Variants in HEATR1 observed in about 807,000 individuals in gnomAD.
HEATR1 encodes HEAT repeat-containing protein 1.
In HEATR1, 77 loss-of-function variants were observed where a neutral mutation model predicts 248.2. That is an observed-to-expected ratio of 0.31 (90% confidence interval 0.26 to 0.37). HEATR1 has a LOEUF of 0.37. Ranked by LOEUF, HEATR1 falls within the 10% of genes least tolerant of loss-of-function variation. The pLI is 1.00. For synonymous variants in HEATR1, 897 were observed against 923.1 expected (o/e 0.97, Z 0.51); for missense variants, 2,420 against 2,504.9 (o/e 0.97, Z 0.72).
chr1:236,575,020 C>A, intron 22 of HEATR1, 117 bp from the exon 23 acceptor site: 1 of 925,522 alleles, frequency 1.1e-6, no homozygotes, highest in Non-Finnish European at 1.6e-6. Flanking sequence ...GGAAAAAACC[C>A]AATGATGGTA....
chr1:236,595,535 C>T lies in HEATR1; in HGVS notation c.1090+5G>A. ...TTTCTGGACAAAAAATATAAAACCA[C>T]ACACCTGTAACATGATGAATGATGG... is the stretch of plus-strand genomic sequence containing the variant. On this transcript the variant is annotated splice_donor_5th_base_variant and intron_variant, in intron 8 of 44. Coordinates refer to ENST00000366582, the MANE Select transcript of HEATR1 (RefSeq NM_018072.6). The T allele has an allele frequency of 1.3e-6, 2 of 1,599,232 alleles. No individual in the cohort carries two copies. Among genetic ancestry groups the T allele is most frequent in the South Asian group, 2.3e-5 (2 of 87,662 alleles).
rs554710967 is a variant in HEATR1 at position 236,592,240 on chromosome 1, T to C, written c.1305-130A>G. Reference sequence around the variant, plus strand: ...ACTGTGACTTAAATTTTAACAAATGTTGTAGGTAAAACCAAATGACATTGG... The same window carrying C: ...ACTGTGACTTAAATTTTAACAAATGCTGTAGGTAAAACCAAATGACATTGG... On this transcript the variant is annotated intron_variant, in intron 10 of 44. Transcript: ENST00000366582. 2.0e-4 allele frequency: 117 copies of C among 590,690 alleles called. No homozygotes were observed. In the East Asian group the frequency reaches 3.3e-3, roughly 17 times the overall value. 36.6% of individuals were successfully genotyped at this position (590,690 alleles called of 1,614,324 possible). A position where few individuals can be genotyped will look rare whatever the true frequency, so the allele number is the denominator to read the frequency against.
At chr1:236,586,038 G>A in intron 15 of HEATR1, 97 bp from the exon 16 acceptor site, 1 of 1,458,338 alleles carries the variant, frequency 6.9e-7, no homozygotes, top group Non-Finnish European at 9.4e-7. Flanking sequence ...TGTTTATGAA[G>A]GTTTGCTTTC....
chr1:236,551,727 A>G, intron 44 of HEATR1: 6 of 344,178 alleles, frequency 1.7e-5, no homozygotes, highest in Middle Eastern at 8.2e-4. Context: ...GTATGATCAC[A>G]AACCACCACA....
intron 17 of HEATR1, among the ~76,000 whole-genome samples, chr1:236,584,106 C>G (rs4612616): frequency 0.029 from 4,476 of 152,214 alleles, 128 homozygotes; most frequent in Admixed American, 0.093. Flanking sequence ...ATTTGATTAA[C>G]TCAACGTGCT....
intron 21 of HEATR1, 114 bp from the exon 22 acceptor site, chr1:236,576,491 A>G: frequency 2.4e-6 from 2 of 844,500 alleles, no homozygotes; most frequent in Admixed American, 3.1e-5. Flanking sequence ...ATAATTTTCC[A>G]TTTCTCCTTA....
At position 236,565,311 on chromosome 1, in the gene HEATR1, C is replaced by T. The variant is rs578059950; in HGVS notation, c.4435+608G>A. ...GAACTAAGAACTATCAACACGTCAA[C>T]CCTTTCTTAATGAAAAAAAGTTTTT... is the stretch of plus-strand genomic sequence containing the variant. On this transcript the variant is annotated intron_variant, in intron 31 of 44. Transcript: ENST00000366582. Among the ~76,000 whole-genome samples, 181 of 152,308 alleles carry T rather than the reference C, an allele frequency of 1.2e-3. No individual in the cohort carries two copies. The Middle Eastern group carries it at 0.014, about 11-fold the overall frequency.
At chr1:236,568,044 CATCA>C (rs1322693302) in intron 29 of HEATR1, among the ~76,000 whole-genome samples, 4 of 152,232 alleles carry the variant, frequency 2.6e-5, no homozygotes, top group South Asian at 2.1e-4. Flanking sequence ...CTCTGCTCTC[CATCA>C]ATCAATCACC....
chr1:236,576,735 C>A, intron 21 of HEATR1, 45 bp downstream of exon 21: 1 of 1,547,230 alleles, frequency 6.5e-7, no homozygotes. Flanking sequence ...TGCTCCAGTA[C>A]ACAGAGGCAT....
intron 44 of HEATR1, 74 bp from the exon 45 acceptor site, chr1:236,551,064 C>T (rs1327482195): frequency 3.5e-6 from 4 of 1,156,306 alleles, no homozygotes; most frequent in Non-Finnish European, 4.9e-6. Context: ...TAGTTTAATT[C>T]TTAATGCCTT....
At chr1:236,593,249 T>C (rs971663083) in intron 9 of HEATR1, among the ~76,000 whole-genome samples, 2 of 151,684 alleles carry the variant, frequency 1.3e-5, no homozygotes, top group Admixed American at 6.6e-5. Flanking sequence ...AATTTGCTCA[T>C]GAGAACAGCA....
At chr1:236,576,633 C>A in intron 21 of HEATR1, 147 bp downstream of exon 21, 1 of 721,924 alleles carries the variant, frequency 1.4e-6, no homozygotes, top group East Asian at 2.8e-5. Context: ...TAGGGGGACA[C>A]AGATGTACAG....
At position 236,566,690 on chromosome 1, in the gene HEATR1, G is replaced by A; in HGVS notation, c.4264C>T (p.Gln1422Ter). ...GCCAGCACTGTTTTTGTGACATACT[G>A]TTCAAAAAGCAAGATGAGGAGAATC... ...LWILLILLFE[Q>*]YVTKTVLAAA... Residue 1422 changes from glutamine (Q) to a stop codon, truncating the protein, a stop_gained, in exon 30 of 45, where the codon CAG (glutamine) becomes TAG (stop). Coordinates refer to ENST00000366582, the MANE Select transcript of HEATR1 (RefSeq NM_018072.6). LOFTEE classifies it high-confidence loss of function. The A allele has an allele frequency of 6.2e-7, 1 of 1,614,040 alleles. No homozygotes were observed. Among genetic ancestry groups the A allele is most frequent in the Non-Finnish European group, 8.5e-7 (1 of 1,179,998 alleles).
At position 236,549,249 on chromosome 1, in the gene HEATR1, A is replaced by G. The variant is rs1384800643; in HGVS notation, c.*1653T>C. On this transcript the variant is annotated 3_prime_UTR_variant, in exon 45 of 45. Transcript: ENST00000366582. ...CTTCCACTTTACGTGATTAAAATCA[A>G]ACCTGTATCAGCAAGTTAAATGGTT... 5.8e-6 allele frequency: 2 copies of G among 346,728 alleles called. No individual in the cohort carries two copies. The highest frequency in any genetic ancestry group is 4.2e-5 in the African/African-American group (2 of 47,656). The allele number at this position is 346,728 out of a possible 1,614,324, so 21.5% of individuals were successfully genotyped here. A position where few individuals can be genotyped will look rare whatever the true frequency, so the allele number is the denominator to read the frequency against.
rs1332506679 is a variant in HEATR1, at chr1:236,595,851, G to A, written c.938C>T (p.Pro313Leu). The A allele has an allele frequency of 6.2e-7, 1 of 1,612,986 alleles. No homozygotes were observed. Among genetic ancestry groups the A allele is most frequent in the Non-Finnish European group, 8.5e-7 (1 of 1,179,118 alleles). Residue 313 changes from proline to leucine, a missense_variant, in exon 7 of 45, where the codon CCA becomes CTA. By Grantham distance (98) the Pro-to-Leu change is moderately conservative. Transcript: ENST00000366582. ...CLIVLLQRQKPESLGKKPFPH... is the reference protein window; with the variant it reads ...CLIVLLQRQKLESLGKKPFPH... ...TACATACTTTTTCCCAAGGCTCTCT[G>A]GCTTCTGTCTCTGCAGGAGCACTAT...
At chr1:236,599,458 G>C (rs778400962) in intron 4 of HEATR1, 25 bp downstream of exon 4, 1 of 1,599,990 alleles carries the variant, frequency 6.3e-7, no homozygotes, top group Admixed American at 1.7e-5. Flanking sequence ...AATGATTACA[G>C]ACATATGTCA....
intron 32 of HEATR1, among the ~76,000 whole-genome samples, chr1:236,563,734 C>G (rs1006683812): frequency 2.0e-5 from 3 of 152,172 alleles, no homozygotes; most frequent in African/African-American, 7.2e-5. Flanking sequence ...GTATTCCTTT[C>G]TTTCCTTCCT....
At chr1:236,565,176 C>T (rs148325175) in intron 31 of HEATR1, among the ~76,000 whole-genome samples, 2,369 of 152,300 alleles carry the variant, frequency 0.016, 14 homozygotes, top group Middle Eastern at 0.068. Context: ...TACTGCCTCG[C>T]CAAACAGGGA....
intron 36 of HEATR1, 22 bp from the exon 37 acceptor site, chr1:236,557,367 T>C (rs766444060): frequency 3.7e-6 from 6 of 1,610,878 alleles, no homozygotes; most frequent in East Asian, 2.2e-5. Context: ...GTAAGAGCTT[T>C]AGAAGAACTT....
Sources: gnomAD v4.1 joint callset for allele counts (sites outside exome capture counted in the v4.1 genomes callset) on GRCh38, gnomAD v4.1.1 for gene constraint, MANE v1.5 for transcripts, NCBI Gene and HGNC (gene_info 2026-07-23, HGNC 2026-07-21) for gene names.